CALN1: variants seen among roughly 807,000 people sequenced by gnomAD.
The protein encoded by CALN1 is calneuron 1.
Under a neutral mutation model 30.6 loss-of-function variants are expected in CALN1, and 17 were observed. The observed-to-expected ratio is 0.56, with a 90% CI of 0.38 to 0.83. The LOEUF is 0.83. CALN1 is among the 40% of genes least tolerant of loss of function. The pLI is 0.00. For synonymous variants in CALN1, 156 were observed against 131.4 expected (o/e 1.19, Z -1.28); for missense variants, 291 against 354.9 (o/e 0.82, Z 1.45).
At chr7:71,809,421 T>C (rs540742394) in intron 6 of CALN1, among the ~76,000 whole-genome samples, 2 of 129,990 alleles carry the variant, frequency 1.5e-5, no homozygotes, top group South Asian at 2.4e-4. Flanking sequence ...CTAGTGTCTA[T>C]GTGACAGCTT....
At chr7:72,201,591 A>G (rs375606294) in intron 3 of CALN1, among the ~76,000 whole-genome samples, 1 of 152,106 alleles carries the variant, frequency 6.6e-6, no homozygotes, top group African/African-American at 2.4e-5. Flanking sequence ...ATTTCGGAAA[A>G]AAAAAGAAAG....
chr7:72,211,343 C>T (rs1180851123), intron 3 of CALN1, among the ~76,000 whole-genome samples: 1 of 152,148 alleles, frequency 6.6e-6, no homozygotes, highest in African/African-American at 2.4e-5. Context: ...GCCTAAAACA[C>T]TTTTCCCGCC....
At chr7:72,286,075 G>C (rs550055247) in intron 2 of CALN1, among the ~76,000 whole-genome samples, 1 of 152,222 alleles carries the variant, frequency 6.6e-6, no homozygotes, top group Non-Finnish European at 1.5e-5. Flanking sequence ...GTTAGGATTA[G>C]AATGATGAAT....
At chr7:72,397,722 A>T (rs933149321) in intron 2 of CALN1, among the ~76,000 whole-genome samples, 113 of 147,724 alleles carry the variant, frequency 7.6e-4, no homozygotes, top group African/African-American at 1.8e-3. Flanking sequence ...TCTCACACAC[A>T]CACACACACA....
chr7:72,061,608 G>A (rs993680896), intron 4 of CALN1, among the ~76,000 whole-genome samples: 4 of 151,762 alleles, frequency 2.6e-5, no homozygotes, highest in Non-Finnish European at 4.4e-5. Context: ...TGAATTTGAA[G>A]ATAGGTCAAT....
chr7:71,963,247 CCGACTCCCTGGTTCAAG>C (rs1797343580), intron 5 of CALN1, among the ~76,000 whole-genome samples: 1 of 152,202 alleles, frequency 6.6e-6, no homozygotes, highest in Non-Finnish European at 1.5e-5. Flanking sequence ...ACTGCAACCT[CCGACTCCCTGGTTCAAG>C]CGATTCTCCT....
intron 5 of CALN1, among the ~76,000 whole-genome samples, chr7:71,868,455 T>A (rs929588527): frequency 2.7e-5 from 4 of 148,336 alleles, no homozygotes; most frequent in Non-Finnish European, 5.9e-5. Flanking sequence ...CACTGCAACC[T>A]CCGCCTCCTG....
chr7:71,979,591 T>G (rs756288010), intron 5 of CALN1, among the ~76,000 whole-genome samples: 1 of 152,290 alleles, frequency 6.6e-6, no homozygotes, highest in Non-Finnish European at 1.5e-5. Context: ...GAATCTTCAC[T>G]GACTCACCCA....
At chr7:72,457,910 C>T in the CALN1 span, among the ~76,000 whole-genome samples, 34 of 151,434 alleles carry the variant, frequency 2.2e-4, no homozygotes, top group South Asian at 6.7e-3. Flanking sequence ...CATGCACCAC[C>T]ACGTCTCGAT....
chr7:72,429,356 A>G lies in CALN1; in HGVS notation c.-225-17081T>C, dbSNP rs538595878. Among the ~76,000 whole-genome samples, 3 of 152,288 alleles carry G rather than the reference A, an allele frequency of 2.0e-5. No individual in the cohort carries two copies. In the South Asian group the frequency reaches 6.2e-4, roughly 32 times the overall value. Reference sequence around the variant, plus strand: ...CCTTGCAACATCTCCAGCACCTAGAATAGCAAATGGCTCGTCGAAAATATC... The same window carrying G: ...CCTTGCAACATCTCCAGCACCTAGAGTAGCAAATGGCTCGTCGAAAATATC... On this transcript the variant is annotated intron_variant, in intron 1 of 6. Transcript: ENST00000395276.
chr7:72,126,637 G>T (rs1257442975), intron 3 of CALN1, among the ~76,000 whole-genome samples: 1 of 151,816 alleles, frequency 6.6e-6, no homozygotes, highest in Admixed American at 6.6e-5. Flanking sequence ...AATCCCCAAA[G>T]TCCATTATAT....
intron 3 of CALN1, among the ~76,000 whole-genome samples, chr7:72,275,240 C>A (rs1797259342): frequency 6.6e-6 from 1 of 152,106 alleles, no homozygotes; most frequent in Non-Finnish European, 1.5e-5. Flanking sequence ...CATCAACTCC[C>A]AGTGCAGCAC....
At chr7:71,936,970 T>C (rs551957002) in intron 5 of CALN1, among the ~76,000 whole-genome samples, 9 of 152,272 alleles carry the variant, frequency 5.9e-5, no homozygotes, top group African/African-American at 2.2e-4. Context: ...TCTCCAGCCA[T>C]GATTCTGAGG....
At chr7:72,230,323 C>A (rs1390316314) in intron 3 of CALN1, among the ~76,000 whole-genome samples, 1 of 135,662 alleles carries the variant, frequency 7.4e-6, no homozygotes, top group African/African-American at 2.8e-5. Flanking sequence ...TGGCGAAACT[C>A]TGTCTCTACA....
At chr7:72,275,454 C>T (rs1320431570) in intron 3 of CALN1, among the ~76,000 whole-genome samples, 1 of 152,188 alleles carries the variant, frequency 6.6e-6, no homozygotes, top group East Asian at 1.9e-4. Context: ...CACATCCGCA[C>T]TGTCCTGCCC....
intron 4 of CALN1, among the ~76,000 whole-genome samples, chr7:72,083,967 G>A (rs1805320677): frequency 6.6e-6 from 1 of 152,076 alleles, no homozygotes; most frequent in African/African-American, 2.4e-5. Flanking sequence ...CCAGTACTTT[G>A]AGAGACCAAG....
At chr7:72,192,673 A>G (rs913822591) in intron 3 of CALN1, among the ~76,000 whole-genome samples, 3 of 112,682 alleles carry the variant, frequency 2.7e-5, no homozygotes, top group African/African-American at 6.0e-5. Flanking sequence ...TATTATTATT[A>G]TACTTTAAGT....
chr7:71,878,926 T>C (rs1792409982), intron 5 of CALN1, among the ~76,000 whole-genome samples: 1 of 152,180 alleles, frequency 6.6e-6, no homozygotes, highest in African/African-American at 2.4e-5. Context: ...ACCAAGTCCC[T>C]TCCCACAACC....
intron 3 of CALN1, among the ~76,000 whole-genome samples, chr7:72,187,526 C>T (rs770674609): frequency 4.6e-5 from 7 of 152,042 alleles, no homozygotes; most frequent in East Asian, 1.9e-4. Context: ...ACTGCACGTG[C>T]GAGGGATCTA....
Sources: allele counts gnomAD v4.1 joint callset (sites outside exome capture counted in the v4.1 genomes callset), GRCh38; gene constraint gnomAD v4.1.1; transcripts MANE v1.5; gene names NCBI Gene and HGNC (gene_info 2026-07-23, HGNC 2026-07-21).